The following HECTD4 variants were observed in gnomAD, a reference collection of about 807,000 sequenced individuals.
The protein encoded by HECTD4 is probable E3 ubiquitin-protein ligase HECTD4.
Under a neutral mutation model 471.5 loss-of-function variants are expected in HECTD4, and 114 were observed. That is an observed-to-expected ratio of 0.24 (90% confidence interval 0.21 to 0.28). HECTD4 has a LOEUF of 0.28. Ranked by LOEUF, HECTD4 falls within the 10% of genes least tolerant of loss-of-function variation. HECTD4 has a pLI of 1.00. For missense variants in HECTD4, 3,866 were observed against 5,651.5 expected (o/e 0.68, Z 10.13); for synonymous variants, 2,012 against 2,256.0 (o/e 0.89, Z 3.07).
At chr12:112,221,786 G>A (rs1454940558) in intron 44 of HECTD4, among the ~76,000 whole-genome samples, 2 of 147,774 alleles carry the variant, frequency 1.4e-5, no homozygotes, top group Non-Finnish European at 3.0e-5. Flanking sequence ...ATGGAGTCTC[G>A]CTCTGTCAAC....
At chr12:112,302,791 A>T in intron 7 of HECTD4, 1 of 271,720 alleles carries the variant, frequency 3.7e-6, no homozygotes, top group South Asian at 8.2e-5. Context: ...TTTAATTTTA[A>T]AACTTTTTAT....
chr12:112,238,218 G>GT (rs1363431808), intron 34 of HECTD4, among the ~76,000 whole-genome samples: 1 of 151,940 alleles, frequency 6.6e-6, no homozygotes, highest in Non-Finnish European at 1.5e-5. Context: ...TATCCTTCAA[G>GT]TTTACTTTTT....
At chr12:112,250,052 C>A in intron 25 of HECTD4, 92 bp downstream of exon 25, 3 of 891,356 alleles carry the variant, frequency 3.4e-6, no homozygotes, top group Admixed American at 2.2e-5. Context: ...ATTAAAGTTT[C>A]ATTTACTAGA....
intron 1 of HECTD4, among the ~76,000 whole-genome samples, chr12:112,326,728 C>T (rs1037911341): frequency 2.6e-5 from 4 of 152,200 alleles, no homozygotes; most frequent in South Asian, 4.1e-4. Flanking sequence ...ATTAACTAGA[C>T]TAATCATTAG....
chr12:112,272,543 T>C (rs2034438054), intron 11 of HECTD4, among the ~76,000 whole-genome samples: 1 of 152,232 alleles, frequency 6.6e-6, no homozygotes, highest in African/African-American at 2.4e-5. Flanking sequence ...AACTCTGCTC[T>C]GGTTTTTACT....
rs759373433 is a variant in HECTD4, at chr12:112,184,456, C to G, written c.10510G>C (p.Val3504Leu). ...AGCGGATCCACAGAGAGGTCGCTGA[C>G]GGTTTGGGAGATGCCCTGCGAGCTG... ...ICSSQGISQTVSDLSVDPLPA... is the reference protein window; with the variant it reads ...ICSSQGISQTLSDLSVDPLPA... Residue 3504 changes from valine to leucine, a missense_variant, in exon 61 of 76, where the codon GTC becomes CTC. Physicochemically the swap from Val to Leu is conservative, Grantham distance 32 (BLOSUM62 1). Around this residue, in one of 16 missense-constraint regions of HECTD4, gnomAD observed 192 missense variants for 189.9 expected, o/e 1.01. Coordinates refer to ENST00000682272, the MANE Select transcript of HECTD4 (RefSeq NM_001388303.1). This position sits in a 1 kb window ranked among gnomAD's most constrained non-coding sequence, Gnocchi z 9.1. 2.4e-5 allele frequency: 38 copies of G among 1,605,614 alleles called. No homozygotes were observed. The highest frequency in any genetic ancestry group is 3.2e-5 in the Non-Finnish European group (38 of 1,176,924).
At chr12:112,316,157 C>T (rs996091502) in intron 2 of HECTD4, among the ~76,000 whole-genome samples, 2 of 152,080 alleles carry the variant, frequency 1.3e-5, no homozygotes, top group African/African-American at 4.8e-5. Flanking sequence ...TTCCAGAAAC[C>T]CTGCCCACTG....
chr12:112,295,254 G>A (rs1245837472), intron 7 of HECTD4, among the ~76,000 whole-genome samples: 1 of 151,866 alleles, frequency 6.6e-6, no homozygotes, highest in African/African-American at 2.4e-5. Context: ...AACTAAAGCA[G>A]GGCAAAGAGG....
intron 1 of HECTD4, among the ~76,000 whole-genome samples, chr12:112,366,510 C>G (rs1383429327): frequency 6.6e-6 from 1 of 151,796 alleles, no homozygotes; most frequent in Non-Finnish European, 1.5e-5. Flanking sequence ...CAAAGTGAGA[C>G]CGTGTCTCTT....
In HECTD4 at chr12:112,213,454, A is replaced by G. The variant is rs1242802724; in HGVS notation, c.7466-804T>C. 6.6e-6 allele frequency among the ~76,000 whole-genome samples: 1 copy of G among 151,892 alleles called. No homozygotes were observed. The highest frequency in any genetic ancestry group is 1.5e-5 in the Non-Finnish European group (1 of 67,990). ...GTAATCCCAGCACTTTGGGAGGCCG[A>G]GGTGGGTGGATCACAAGGTCAGGAG... On this transcript the variant is annotated intron_variant, in intron 48 of 75. Coordinates refer to ENST00000682272, the MANE Select transcript of HECTD4 (RefSeq NM_001388303.1). The surrounding 1 kb of genome is among the most constrained non-coding windows in gnomAD (Gnocchi z 4.0).
intron 45 of HECTD4, 65 bp downstream of exon 45, chr12:112,219,321 T>C: frequency 8.5e-7 from 1 of 1,175,562 alleles, no homozygotes; most frequent in Non-Finnish European, 1.2e-6. Context: ...CTTAACTTGC[T>C]GCTGGCCTTA....
At chr12:112,336,493 A>C (rs1344841875) in intron 1 of HECTD4, among the ~76,000 whole-genome samples, 1 of 152,020 alleles carries the variant, frequency 6.6e-6, no homozygotes, top group African/African-American at 2.4e-5. Flanking sequence ...ACTGCACTCC[A>C]ACCTGGGCAA....
At chr12:112,344,939 A>AAGAGAAG (rs925646068) in intron 1 of HECTD4, among the ~76,000 whole-genome samples, 2 of 151,686 alleles carry the variant, frequency 1.3e-5, no homozygotes, top group African/African-American at 4.9e-5. Context: ...AAGAGAAGAG[A>AAGAGAAG]AGAGAAGAGA....
At chr12:112,279,925 T>C (rs956211164) in intron 8 of HECTD4, among the ~76,000 whole-genome samples, 1 of 152,226 alleles carries the variant, frequency 6.6e-6, no homozygotes, top group African/African-American at 2.4e-5. Flanking sequence ...TTATTTTTAC[T>C]CATTACATCT....
rs2033306092 is a variant in HECTD4, at chr12:112,228,882, G to A, written c.6520-71C>T. 7.7e-6 allele frequency: 11 copies of A among 1,428,552 alleles called. No individual in the cohort carries two copies. Among genetic ancestry groups the A allele is most frequent in the Non-Finnish European group, 1.1e-5 (11 of 1,033,568 alleles). The allele number at this position is 1,428,552 out of a possible 1,614,324, so 88.5% of individuals were successfully genotyped here. A position where few individuals can be genotyped will look rare whatever the true frequency, so the allele number is the denominator to read the frequency against. On this transcript the variant is annotated intron_variant, in intron 41 of 75. Coordinates refer to ENST00000682272, the MANE Select transcript of HECTD4 (RefSeq NM_001388303.1). The surrounding 1 kb of genome is among the most constrained non-coding windows in gnomAD (Gnocchi z 4.9). ...GGGCAGCTGTCTTACGAGACAAGAG[G>A]AAAAAGTAAATTTATAGTTGTCATT...
At chr12:112,304,202 C>T in intron 7 of HECTD4, among the ~76,000 whole-genome samples, 1 of 141,964 alleles carries the variant, frequency 7.0e-6, no homozygotes, top group East Asian at 2.3e-4. Flanking sequence ...TCAGGGAATT[C>T]TTCAATGTTC....
intron 38 of HECTD4, 150 bp downstream of exon 38, chr12:112,232,854 C>T (rs1426315340): frequency 1.9e-5 from 11 of 582,374 alleles, no homozygotes; most frequent in Non-Finnish European, 3.2e-5. Flanking sequence ...TTTAAAATGG[C>T]CTCAGTTAAG....
rs2034142473 is a variant in HECTD4, at chr12:112,261,427, C to T, written c.2751G>A (p.Glu917=). The stretch of plus-strand genomic sequence containing the variant: ...CAAGAGCCAAAATACTGACTTTTAG[C>T]TCCTAGGCAGAAAATATCATCATAT... The part of the protein sequence containing the change: ...SLQGETLKVQ[E]LKVSILALAT... Residue 917 remains glutamate, a splice_region_variant and synonymous_variant, in exon 18 of 76, where the codon GAG becomes GAA. Transcript: ENST00000682272. 2 of 1,599,218 alleles carry T rather than the reference C, an allele frequency of 1.3e-6. No homozygotes were observed. The highest frequency in any genetic ancestry group is 1.1e-5 in the South Asian group (1 of 90,174).
At chr12:112,328,605 T>C (rs1333960908) in intron 1 of HECTD4, among the ~76,000 whole-genome samples, 1 of 152,210 alleles carries the variant, frequency 6.6e-6, no homozygotes, top group Non-Finnish European at 1.5e-5. Context: ...TGAAAAGCTC[T>C]CATGCGAGCC....
Sources: allele counts gnomAD v4.1 joint callset (sites outside exome capture counted in the v4.1 genomes callset), GRCh38; gene constraint gnomAD v4.1.1; regional missense constraint gnomAD v4.1.1; non-coding constraint Gnocchi (gnomAD v3.1); transcripts MANE v1.5; gene names NCBI Gene and HGNC (gene_info 2026-07-23, HGNC 2026-07-21).